HIVEP3: variants seen among roughly 807,000 people sequenced by gnomAD.
The protein encoded by HIVEP3 is transcription factor HIVEP3.
Under a neutral mutation model 152.8 loss-of-function variants are expected in HIVEP3, and 49 were observed. That is an observed-to-expected ratio of 0.32 (90% confidence interval 0.26 to 0.41). The LOEUF (loss-of-function observed/expected upper bound fraction) is 0.41, where lower values mean the gene tolerates loss of function less well. Ranked by LOEUF, HIVEP3 falls within the 10% of genes least tolerant of loss-of-function variation. The pLI, the probability that HIVEP3 is intolerant of heterozygous loss-of-function variation, is 1.00. For missense variants in HIVEP3, 2,790 were observed against 3,103.3 expected (o/e 0.90, Z 2.40); for synonymous variants, 1,269 against 1,289.0 (o/e 0.98, Z 0.33).
chr1:41,803,915 G>T (rs577645209), intron 1 of HIVEP3, among the ~76,000 whole-genome samples: 3 of 152,158 alleles, frequency 2.0e-5, no homozygotes, highest in African/African-American at 2.4e-5. Context: ...ACCGCCTATC[G>T]ATTATGTTCC....
intron 1 of HIVEP3, among the ~76,000 whole-genome samples, chr1:41,909,877 T>C (rs1277419647): frequency 6.6e-6 from 1 of 151,996 alleles, no homozygotes; most frequent in African/African-American, 2.4e-5. Context: ...AAAGAATAAA[T>C]CATAGTGAAA....
chr1:41,889,572 G>T (rs1479792060), intron 1 of HIVEP3, among the ~76,000 whole-genome samples: 1 of 152,190 alleles, frequency 6.6e-6, no homozygotes, highest in African/African-American at 2.4e-5. Context: ...CAGCATGGGG[G>T]ACTCTAGCCC....
At chr1:41,692,085 C>T (rs965644645) in intron 2 of HIVEP3, among the ~76,000 whole-genome samples, 3 of 152,132 alleles carry the variant, frequency 2.0e-5, no homozygotes, top group Non-Finnish European at 4.4e-5. Flanking sequence ...CTCAAGTGAT[C>T]CACCTGTCTC....
intron 1 of HIVEP3, among the ~76,000 whole-genome samples, chr1:41,805,013 A>G (rs1412273399): frequency 6.6e-6 from 1 of 152,192 alleles, no homozygotes; most frequent in Admixed American, 6.5e-5. Flanking sequence ...GCCAATCATT[A>G]CCCTGGCTTT....
chr1:41,681,589 T>G, intron 2 of HIVEP3, among the ~76,000 whole-genome samples: 1 of 152,170 alleles, frequency 6.6e-6, no homozygotes, highest in East Asian at 1.9e-4. Flanking sequence ...CAAGGCACCC[T>G]TGCACCACAT....
At chr1:41,933,854 AAGCAGCAGCC>A (rs1337746980) in intron 1 of HIVEP3, among the ~76,000 whole-genome samples, 1 of 152,014 alleles carries the variant, frequency 6.6e-6, no homozygotes, top group African/African-American at 2.4e-5. Context: ...CTGAGTCCTG[AAGCAGCAGCC>A]TTCCCAGTGA....
At chr1:41,545,618 TACCATCACCACC>T (rs1289382916) in intron 5 of HIVEP3, among the ~76,000 whole-genome samples, 767 of 24,184 alleles carry the variant, frequency 0.032, 15 homozygotes, top group African/African-American at 0.1. Context: ...TCACCACCAC[TACCATCACCACC>T]ACCATCACCA....
At chr1:41,624,301 C>T (rs1412373841) in intron 3 of HIVEP3, among the ~76,000 whole-genome samples, 1 of 152,230 alleles carries the variant, frequency 6.6e-6, no homozygotes, top group African/African-American at 2.4e-5. Flanking sequence ...TTCAGAGGCT[C>T]TCCAAATGTT....
intron 1 of HIVEP3, among the ~76,000 whole-genome samples, chr1:41,777,566 C>T (rs1648786069): frequency 6.6e-6 from 1 of 152,220 alleles, no homozygotes; most frequent in African/African-American, 2.4e-5. Flanking sequence ...TGGGGAGGTT[C>T]ACACCCTGAT....
intron 1 of HIVEP3, among the ~76,000 whole-genome samples, chr1:41,853,758 T>A (rs1199918970): frequency 6.6e-6 from 1 of 152,116 alleles, no homozygotes; most frequent in Non-Finnish European, 1.5e-5. Flanking sequence ...AGAAACTGGA[T>A]GATCCAGCAG....
chr1:41,630,196 G>A (rs1645174092), intron 2 of HIVEP3, among the ~76,000 whole-genome samples: 1 of 152,208 alleles, frequency 6.6e-6, no homozygotes, highest in African/African-American at 2.4e-5. Context: ...AATGCCATGT[G>A]TTTTCACCTA....
chr1:41,779,214 C>T (rs923545324), intron 1 of HIVEP3, among the ~76,000 whole-genome samples: 3 of 152,200 alleles, frequency 2.0e-5, no homozygotes, highest in African/African-American at 7.2e-5. Context: ...TCTGCACGCT[C>T]TCCTTGCACC....
At chr1:41,659,556 C>T (rs1645680301) in intron 2 of HIVEP3, among the ~76,000 whole-genome samples, 1 of 152,192 alleles carries the variant, frequency 6.6e-6, no homozygotes, top group African/African-American at 2.4e-5. Context: ...TCATGGCCAT[C>T]CTAGCATCTG....
intron 1 of HIVEP3, among the ~76,000 whole-genome samples, chr1:41,721,330 C>T (rs146720128): frequency 9.2e-5 from 14 of 152,140 alleles, no homozygotes; most frequent in South Asian, 8.3e-4. Flanking sequence ...GTCTCAGCCC[C>T]GAGTAGGTGG....
chr1:41,753,843 GTGAA>G (rs1647210200), intron 1 of HIVEP3, among the ~76,000 whole-genome samples: 2 of 152,172 alleles, frequency 1.3e-5, no homozygotes, highest in Non-Finnish European at 2.9e-5. Flanking sequence ...ACAGCAGCCG[GTGAA>G]TGAATGAACA....
chr1:41,581,590 C>T lies in HIVEP3; in HGVS notation c.3208G>A (p.Glu1070Lys), dbSNP rs750803671. ...EVAPKGRQES[E>K]EPQPSSSKPS... ...TTACTGGATGAGGGCTGTGGTTCTTCGCTCTCCTGTCTTCCCTTGGGGGCA... is the reference window on the plus strand; with the variant it reads ...TTACTGGATGAGGGCTGTGGTTCTTTGCTCTCCTGTCTTCCCTTGGGGGCA... The change falls in exon 4 of 9, where the codon GAA (glutamate) becomes AAA (lysine). Residue 1070 changes from glutamate to lysine, a missense_variant. By Grantham distance (56) the Glu-to-Lys change is moderately conservative. This residue lies in a region of HIVEP3 where 1,078 missense variants were observed against 1,165.3 expected (regional missense o/e 0.93). Coordinates refer to ENST00000372583, the MANE Select transcript of HIVEP3 (RefSeq NM_024503.5). This position sits in a 1 kb window ranked among gnomAD's most constrained non-coding sequence, Gnocchi z 4.5. 3.9e-5 allele frequency: 63 copies of T among 1,613,422 alleles called. No individual in the cohort carries two copies. The highest frequency in any genetic ancestry group is 2.5e-4 in the East Asian group (11 of 44,892).
At chr1:41,661,915 C>T (rs189170676) in intron 2 of HIVEP3, among the ~76,000 whole-genome samples, 51 of 152,290 alleles carry the variant, frequency 3.3e-4, no homozygotes, top group Admixed American at 1.4e-3. Flanking sequence ...TGGCTGAGAG[C>T]GCGTGCATCA....
intron 5 of HIVEP3, among the ~76,000 whole-genome samples, chr1:41,544,895 C>G (rs1413247105): frequency 3.5e-5 from 1 of 28,444 alleles, no homozygotes; most frequent in African/African-American, 1.9e-4. Flanking sequence ...CTACCACCAC[C>G]ATCACCACCA....
intron 1 of HIVEP3, among the ~76,000 whole-genome samples, chr1:41,870,474 C>T (rs1644059065): frequency 6.6e-6 from 1 of 152,154 alleles, no homozygotes; most frequent in South Asian, 2.1e-4. Flanking sequence ...CATTTCATTC[C>T]CAGCGCCTGA....
Sources: allele counts gnomAD v4.1 joint callset (sites outside exome capture counted in the v4.1 genomes callset), GRCh38; gene constraint gnomAD v4.1.1; regional missense constraint gnomAD v4.1.1; non-coding constraint Gnocchi (gnomAD v3.1); transcripts MANE v1.5; gene names NCBI Gene and HGNC (gene_info 2026-07-23, HGNC 2026-07-21).